The following GALNTL6 variants were observed in gnomAD, a reference collection of about 807,000 sequenced individuals.
GALNTL6 encodes the protein polypeptide N-acetylgalactosaminyltransferase like 6, also known as polypeptide N-acetylgalactosaminyltransferase-like 6.
GALNTL6 carries 46 observed loss-of-function variants against 73.7 expected under a neutral mutation model. The observed-to-expected ratio is 0.62, with a 90% CI of 0.49 to 0.80. GALNTL6 has a LOEUF of 0.80. Among genes scored for constraint, GALNTL6 ranks in the 30% least tolerant of loss-of-function variants. The probability of loss-of-function intolerance (pLI) is 0.00; values close to 1 mark genes in which losing one functional copy is unlikely to be tolerated. For missense variants in GALNTL6, 604 were observed against 755.0 expected, an observed-to-expected ratio of 0.80 and a Z score of 2.34; for synonymous variants, 259 against 263.7, an observed-to-expected ratio of 0.98 and a Z score of 0.17.
intron 10 of GALNTL6, among the ~76,000 whole-genome samples, chr4:172,974,192 C>T (rs1750707182): frequency 6.6e-6 from 1 of 152,096 alleles, no homozygotes; most frequent in Admixed American, 6.5e-5. Flanking sequence ...GCCACAGTAA[C>T]AAAAAATTTC....
intron 3 of GALNTL6, among the ~76,000 whole-genome samples, chr4:172,264,773 A>G (rs1406447653): frequency 6.6e-6 from 1 of 150,406 alleles, no homozygotes; most frequent in Non-Finnish European, 1.5e-5. Context: ...AGTAATTATA[A>G]TAATAGAAAT....
intron 5 of GALNTL6, among the ~76,000 whole-genome samples, chr4:172,400,812 A>G (rs1397945308): frequency 1.3e-5 from 2 of 152,136 alleles, no homozygotes; most frequent in African/African-American, 2.4e-5. Flanking sequence ...ACGAGCCTCC[A>G]CGTGAAGTCA....
intron 2 of GALNTL6, among the ~76,000 whole-genome samples, chr4:172,204,543 C>T (rs968393754): frequency 2.0e-5 from 3 of 152,106 alleles, no homozygotes; most frequent in Non-Finnish European, 2.9e-5. Context: ...GATAGGTAAA[C>T]TCCAAAACAT....
At chr4:172,386,861 A>G (rs1041187061) in intron 5 of GALNTL6, among the ~76,000 whole-genome samples, 1 of 152,090 alleles carries the variant, frequency 6.6e-6, no homozygotes, top group South Asian at 2.1e-4. Flanking sequence ...CACTCAACCT[A>G]CCAACTCAAA....
At chr4:172,810,965 A>C (rs972948651) in intron 6 of GALNTL6, among the ~76,000 whole-genome samples, 5 of 149,996 alleles carry the variant, frequency 3.3e-5, no homozygotes, top group Non-Finnish European at 7.4e-5. Flanking sequence ...TATGAATCTA[A>C]CTAAAAAGAA....
intron 5 of GALNTL6, among the ~76,000 whole-genome samples, chr4:172,368,716 T>A (rs1742665729): frequency 6.6e-6 from 1 of 151,164 alleles, no homozygotes; most frequent in Non-Finnish European, 1.5e-5. Context: ...CTTCAGATGT[T>A]CAGATGTGTC....
chr4:172,708,779 T>A (rs1458124900), intron 5 of GALNTL6, among the ~76,000 whole-genome samples: 1 of 152,206 alleles, frequency 6.6e-6, no homozygotes, highest in Non-Finnish European at 1.5e-5. Flanking sequence ...ATTGTATATC[T>A]TCTGCTGAAC....
intron 5 of GALNTL6, among the ~76,000 whole-genome samples, chr4:172,615,453 G>A (rs1237624577): frequency 2.0e-5 from 3 of 152,102 alleles, no homozygotes; most frequent in South Asian, 2.1e-4. Flanking sequence ...GCCAAAATGA[G>A]ACCATACTTT....
chr4:171,831,318 A>G (rs545729387), intron 2 of GALNTL6, among the ~76,000 whole-genome samples: 3 of 152,140 alleles, frequency 2.0e-5, no homozygotes, highest in African/African-American at 7.2e-5. Context: ...AATAGATATG[A>G]CAAGCTTTAT....
chr4:172,182,220 T>TC (rs1272431321), intron 2 of GALNTL6, among the ~76,000 whole-genome samples: 1 of 152,162 alleles, frequency 6.6e-6, no homozygotes, highest in African/African-American at 2.4e-5. Context: ...AAAGACCTCT[T>TC]CATGGAGAAC....
At chr4:172,048,191 G>C (rs1009038250) in intron 2 of GALNTL6, among the ~76,000 whole-genome samples, 1 of 151,970 alleles carries the variant, frequency 6.6e-6, no homozygotes, top group Non-Finnish European at 1.5e-5. Flanking sequence ...GAATAACTTG[G>C]GTGAACTGAC....
intron 2 of GALNTL6, among the ~76,000 whole-genome samples, chr4:171,829,284 G>A (rs1734903149): frequency 1.3e-5 from 2 of 152,074 alleles, no homozygotes; most frequent in Non-Finnish European, 2.9e-5. Flanking sequence ...ACCCTCAGAA[G>A]GATACTCTGC....
At chr4:172,653,538 C>T (rs974168319) in intron 5 of GALNTL6, among the ~76,000 whole-genome samples, 2 of 152,010 alleles carry the variant, frequency 1.3e-5, no homozygotes, top group Non-Finnish European at 2.9e-5. Context: ...TTTTACATGA[C>T]CTTACTTCTT....
chr4:172,904,782 G>T (rs548727804), intron 8 of GALNTL6, among the ~76,000 whole-genome samples: 1 of 152,262 alleles, frequency 6.6e-6, no homozygotes, highest in East Asian at 1.9e-4. Flanking sequence ...AGCCTTGGGA[G>T]TTTCTTTGAA....
chr4:172,537,033 A>G (rs1009418633), intron 5 of GALNTL6, among the ~76,000 whole-genome samples: 1 of 152,172 alleles, frequency 6.6e-6, no homozygotes, highest in East Asian at 1.9e-4. Context: ...CATTTACCCA[A>G]TGCTTGTACC....
At chr4:171,881,842 CTTAA>C (rs780553201) in intron 2 of GALNTL6, among the ~76,000 whole-genome samples, 3 of 152,130 alleles carry the variant, frequency 2.0e-5, no homozygotes, top group Admixed American at 6.6e-5. Flanking sequence ...GTAAAGGAAT[CTTAA>C]TTAAGGCAAA....
At chr4:172,268,446 G>C (rs1738525739) in intron 3 of GALNTL6, among the ~76,000 whole-genome samples, 1 of 152,204 alleles carries the variant, frequency 6.6e-6, no homozygotes, top group South Asian at 2.1e-4. Flanking sequence ...GCTAAAGCAA[G>C]GGAATTGGGC....
At chr4:172,198,596 A>G (rs1735853938) in intron 2 of GALNTL6, among the ~76,000 whole-genome samples, 2 of 152,196 alleles carry the variant, frequency 1.3e-5, no homozygotes, top group African/African-American at 4.8e-5. Flanking sequence ...CAAAAAGGTC[A>G]AACAACCTAA....
intron 5 of GALNTL6, among the ~76,000 whole-genome samples, chr4:172,714,884 T>C (rs1217764019): frequency 6.6e-6 from 1 of 152,104 alleles, no homozygotes; most frequent in Non-Finnish European, 1.5e-5. Context: ...GTGATCCAAA[T>C]ATAAAATTTT....
Sources: allele counts gnomAD v4.1 joint callset (sites outside exome capture counted in the v4.1 genomes callset), GRCh38; gene constraint gnomAD v4.1.1; transcripts MANE v1.5; gene names NCBI Gene and HGNC (gene_info 2026-07-23, HGNC 2026-07-21).